DMTF1: variants seen among roughly 807,000 people sequenced by gnomAD.
DMTF1 encodes cyclin-D-binding Myb-like transcription factor 1.
In DMTF1, 39 loss-of-function variants were observed where a neutral mutation model predicts 91.1. That is an observed-to-expected ratio of 0.43 (90% CI 0.33 to 0.56). The LOEUF (loss-of-function observed/expected upper bound fraction) is 0.56, where lower values mean the gene tolerates loss of function less well. Ranked by LOEUF, DMTF1 falls within the 20% of genes least tolerant of loss-of-function variation. The pLI, the probability that DMTF1 is intolerant of heterozygous loss-of-function variation, is 0.05. For missense variants in DMTF1, 750 were observed against 914.5 expected (o/e 0.82, Z 2.32); for synonymous variants, 338 against 309.5 (o/e 1.09, Z -0.97).
chr7:87,192,814 G>A (rs1251212528), intron 14 of DMTF1: 1 of 164,406 alleles, frequency 6.1e-6, no homozygotes, highest in Admixed American at 5.9e-5. Flanking sequence ...ATTATACCGT[G>A]AAAAAGTGTT....
At position 87,152,488 on chromosome 7, in the gene DMTF1, C is replaced by T. The variant is rs538680455; in HGVS notation, c.-199C>T. 361 of 153,222 alleles carry T rather than the reference C, an allele frequency of 2.4e-3. No homozygotes were observed. Among genetic ancestry groups the T allele is most frequent in the Non-Finnish European group, 4.1e-3 (281 of 68,106 alleles). The allele number at this position is 153,222 out of a possible 1,614,324, so 9.5% of individuals were successfully genotyped here. ...CAGCCACTCTCGCCCGTGGCTGCTTCCTCCATCCTGGTATTTTTTGGAGCT... is the reference window on the plus strand; with the variant it reads ...CAGCCACTCTCGCCCGTGGCTGCTTTCTCCATCCTGGTATTTTTTGGAGCT... On this transcript the variant is annotated 5_prime_UTR_variant, in exon 1 of 18. Transcript: ENST00000331242.
rs763560047 is a variant in DMTF1 at position 87,165,009 on chromosome 7, A to G, written c.68A>G (p.Gln23Arg). 3 of 1,610,832 alleles carry G rather than the reference A, an allele frequency of 1.9e-6. No homozygotes were observed. The highest frequency in any genetic ancestry group is 1.7e-5 in the Admixed American group (1 of 59,622). Residue 23 changes from glutamine (Q) to arginine (R), a missense_variant, in exon 3 of 18, where the codon CAG (glutamine) becomes CGG (arginine). Physicochemically the swap from Gln to Arg is conservative, Grantham distance 43. Coordinates refer to ENST00000331242, the MANE Select transcript of DMTF1 (RefSeq NM_001142327.2). ...ACTGTGAACTCTGTGACTTTGACTCAGGACACAGAAGGGAATCTCATTCTT... is the reference window on the plus strand; with the variant it reads ...ACTGTGAACTCTGTGACTTTGACTCGGGACACAGAAGGGAATCTCATTCTT... ...VETVNSVTLT[Q>R]DTEGNLILHC...
chr7:87,178,113 A>G (rs1796614546), intron 7 of DMTF1, among the ~76,000 whole-genome samples: 2 of 152,096 alleles, frequency 1.3e-5, no homozygotes, highest in South Asian at 4.1e-4. Context: ...GTTTAAGAAC[A>G]TGGTATAACT....
Position 87,179,655 on chromosome 7 carries a change from TTATAGAAGAGTGCTTCGCATG to T in DMTF1, c.634_654del (p.Arg212_Tyr218del), listed in dbSNP as rs761527606. 6.3e-7 allele frequency: 1 copy of T among 1,585,810 alleles called. No individual in the cohort carries two copies. Among genetic ancestry groups the T allele is most frequent in the Admixed American group, 1.9e-5 (1 of 53,544 alleles). On this transcript the variant is annotated inframe_deletion, in exon 8 of 18. Coordinates refer to ENST00000331242, the MANE Select transcript of DMTF1 (RefSeq NM_001142327.2). ...GTCTGAACCGGCCTTTGTTTGCAGT[TTATAGAAGAGTGCTTCGCATG>T]TATGATGACAGAAACCATGTGGGAA...
chr7:87,164,531 TTAAGA>T (rs1431054545), intron 2 of DMTF1, among the ~76,000 whole-genome samples: 4 of 152,190 alleles, frequency 2.6e-5, no homozygotes, highest in Admixed American at 6.5e-5. Context: ...AAAATAATTC[TTAAGA>T]TAAAAGTTTT....
Position 87,166,590 on chromosome 7 carries a change from G to C in DMTF1, c.217G>C (p.Val73Leu). ...SIDDSTPCIS[V>L]VALPLSENDQ... ...TGATGATTCTACTCCTTGCATATCA[G>C]TTGTTGCACTTCCACGTAAGTCACT... Residue 73 changes from valine (V) to leucine (L), a missense_variant, in exon 4 of 18, where the codon GTT (valine) becomes CTT (leucine). Val to Leu is a conservative substitution (Grantham distance 32). Coordinates refer to ENST00000331242, the MANE Select transcript of DMTF1 (RefSeq NM_001142327.2). The C allele has an allele frequency of 6.2e-7, 1 of 1,612,430 alleles. No individual in the cohort carries two copies. Among genetic ancestry groups the C allele is most frequent in the Non-Finnish European group, 8.5e-7 (1 of 1,179,314 alleles).
At position 87,194,110 on chromosome 7, in the gene DMTF1, G is replaced by A. The variant is rs1800565272; in HGVS notation, c.2028+8G>A. On this transcript the variant is annotated splice_region_variant and intron_variant, in intron 16 of 17. Transcript: ENST00000331242. ...AGTGCTTATGTTACTGAGGTAAGTTGTACTTTAAGAACAACTGAATGGATT... is the reference window on the plus strand; with the variant it reads ...AGTGCTTATGTTACTGAGGTAAGTTATACTTTAAGAACAACTGAATGGATT... The A allele has an allele frequency of 3.2e-6, 5 of 1,553,728 alleles. No homozygotes were observed. The highest frequency in any genetic ancestry group is 4.3e-6 in the Non-Finnish European group (5 of 1,152,008).
chr7:87,174,358 A>T (rs1469409794), intron 6 of DMTF1, among the ~76,000 whole-genome samples: 7 of 152,096 alleles, frequency 4.6e-5, no homozygotes, highest in Non-Finnish European at 1.5e-5. Context: ...ATTTTTTTTA[A>T]ATCTTTTAAT....
chr7:87,173,487 T>G, intron 5 of DMTF1, 48 bp from the exon 6 acceptor site: 2 of 1,319,844 alleles, frequency 1.5e-6, no homozygotes, highest in Non-Finnish European at 2.1e-6. Context: ...AAGCTGCCAT[T>G]TTTTTGTTTT....
intron 13 of DMTF1, among the ~76,000 whole-genome samples, chr7:87,189,144 A>G (rs1344474344): frequency 6.6e-6 from 1 of 152,166 alleles, no homozygotes; most frequent in Non-Finnish European, 1.5e-5. Context: ...TTAGTAGTAC[A>G]TGCCAGTCAT....
At chr7:87,162,176 C>A (rs959031364) in intron 1 of DMTF1, among the ~76,000 whole-genome samples, 3 of 152,124 alleles carry the variant, frequency 2.0e-5, no homozygotes, top group African/African-American at 7.2e-5. Context: ...TGGGCTGCAG[C>A]CATCCTCCCA....
intron 2 of DMTF1, chr7:87,164,425 T>C (rs1032063457): frequency 6.6e-6 from 1 of 152,264 alleles, no homozygotes; most frequent in African/African-American, 2.4e-5. Flanking sequence ...GATGGATGTA[T>C]GCACTTTTTC....
At chr7:87,184,994 C>T (rs542513844) in intron 11 of DMTF1, 3 of 418,394 alleles carry the variant, frequency 7.2e-6, no homozygotes, top group Admixed American at 2.9e-5. Flanking sequence ...GCTGTTCAGT[C>T]TCCATGCCCT....
chr7:87,193,098 A>G (rs1268273486), intron 14 of DMTF1, 100 bp from the exon 15 acceptor site: 1 of 1,280,972 alleles, frequency 7.8e-7, no homozygotes, highest in African/African-American at 1.5e-5. Context: ...CACCTTCACA[A>G]TGGGTAAGTA....
At chr7:87,153,428 C>T (rs1216569606) in intron 1 of DMTF1, among the ~76,000 whole-genome samples, 1 of 152,208 alleles carries the variant, frequency 6.6e-6, no homozygotes, top group African/African-American at 2.4e-5. Flanking sequence ...TGTTTTACCA[C>T]AATCTCCAGA....
At chr7:87,190,695 T>G (rs781333001) in intron 13 of DMTF1, among the ~76,000 whole-genome samples, 1 of 152,096 alleles carries the variant, frequency 6.6e-6, no homozygotes, top group Non-Finnish European at 1.5e-5. Context: ...CCAATAAACT[T>G]TATTTACAAA....
intron 14 of DMTF1, among the ~76,000 whole-genome samples, chr7:87,192,280 C>T (rs1291539458): frequency 2.0e-5 from 3 of 151,944 alleles, no homozygotes; most frequent in East Asian, 1.9e-4. Flanking sequence ...TATACATGTA[C>T]ATATAAAGTA....
chr7:87,162,471 T>C (rs1792707601), intron 1 of DMTF1, among the ~76,000 whole-genome samples: 1 of 152,180 alleles, frequency 6.6e-6, no homozygotes, highest in Non-Finnish European at 1.5e-5. Context: ...CACAATACAC[T>C]ATAATCACAG....
intron 4 of DMTF1, among the ~76,000 whole-genome samples, chr7:87,170,117 AT>A (rs942419754): frequency 1.3e-5 from 2 of 152,086 alleles, no homozygotes; most frequent in South Asian, 2.1e-4. Context: ...AGTAGTTTTG[AT>A]TTTTTTTAAA....
Sources: gnomAD v4.1 joint callset for allele counts (sites outside exome capture counted in the v4.1 genomes callset) on GRCh38, gnomAD v4.1.1 for gene constraint, MANE v1.5 for transcripts, NCBI Gene and HGNC (gene_info 2026-07-23, HGNC 2026-07-21) for gene names.